The following LSAMP variants were observed in gnomAD, a reference collection of about 807,000 sequenced individuals.
LSAMP encodes the protein limbic system associated membrane protein, also known as limbic system-associated membrane protein.
In LSAMP, 7 loss-of-function variants were observed where a neutral mutation model predicts 38.6. The observed-to-expected ratio is 0.18, with a 90% CI of 0.10 to 0.34. The LOEUF is 0.34. LSAMP is among the 10% of genes least tolerant of loss of function. The pLI is 1.00. For synonymous variants in LSAMP, 154 were observed against 166.8 expected (o/e 0.92, Z 0.59); for missense variants, 313 against 420.0 (o/e 0.75, Z 2.23).
At chr3:115,999,111 G>C (rs926319806) in intron 3 of LSAMP, among the ~76,000 whole-genome samples, 2 of 152,114 alleles carry the variant, frequency 1.3e-5, no homozygotes, top group East Asian at 3.9e-4. Flanking sequence ...CAAATCCCTT[G>C]AAAAGCGATG....
rs150135304 is a variant in LSAMP, at chr3:116,117,110, A to G, written c.156-30554T>C. Among the ~76,000 whole-genome samples, 472 of 152,394 alleles carry G rather than the reference A, an allele frequency of 3.1e-3. 1 individual carries two copies. The highest frequency in any genetic ancestry group is 3.8e-3 in the Non-Finnish European group (259 of 68,046). ...TTATGCAGCAAGGGATAATCAAAAC[A>G]TTCGACTTATATGGACTATCACAGA... is the stretch of plus-strand genomic sequence containing the variant. On this transcript the variant is annotated intron_variant, in intron 1 of 6. Coordinates refer to ENST00000490035, the MANE Select transcript of LSAMP (RefSeq NM_002338.5).
At chr3:116,105,156 A>G (rs952928248) in intron 1 of LSAMP, among the ~76,000 whole-genome samples, 1 of 147,746 alleles carries the variant, frequency 6.8e-6, no homozygotes, top group African/African-American at 2.6e-5. Flanking sequence ...CAGAAGAGAT[A>G]TTTTTCAGTT....
At chr3:115,819,721 A>C (rs1220332458) in intron 6 of LSAMP, among the ~76,000 whole-genome samples, 1 of 152,226 alleles carries the variant, frequency 6.6e-6, no homozygotes, top group Non-Finnish European at 1.5e-5. Context: ...AAAAAGCAAA[A>C]CAGGTTGCCA....
intron 1 of LSAMP, among the ~76,000 whole-genome samples, chr3:116,441,395 G>A (rs2049432831): frequency 6.6e-6 from 1 of 152,270 alleles, no homozygotes; most frequent in East Asian, 1.9e-4. Context: ...GAATAGATAT[G>A]TGATAATATA....
Position 115,842,481 on chromosome 3 carries a change from A to G in LSAMP, c.747T>C (p.Phe249=), listed in dbSNP as rs1935028813. ...ACCTAGTGTCATCCCGGTACCACTC[A>G]AAGTCAGGTGCAGGCACTGCCGAGG... ...CEASAVPAPD[F]EWYRDDTRIN... Residue 249 remains phenylalanine (F), a synonymous_variant, in exon 5 of 7, where the codon TTT becomes TTC. Transcript: ENST00000490035. 1.2e-6 allele frequency: 2 copies of G among 1,613,954 alleles called. No individual in the cohort carries two copies. Among genetic ancestry groups the G allele is most frequent in the Non-Finnish European group, 1.7e-6 (2 of 1,179,882 alleles).
At chr3:115,867,591 A>G (rs979670676) in intron 3 of LSAMP, among the ~76,000 whole-genome samples, 2 of 152,072 alleles carry the variant, frequency 1.3e-5, no homozygotes, top group African/African-American at 2.4e-5. Flanking sequence ...GCAAACAAGA[A>G]AGTAATAGGG....
At chr3:116,440,571 G>A (rs1713007) in intron 1 of LSAMP, among the ~76,000 whole-genome samples, 130,671 of 152,166 alleles carry the variant, frequency 0.86, 56,239 homozygotes, top group Middle Eastern at 0.98. Context: ...TGCTTTTCTT[G>A]CGAGATTTGC....
intron 3 of LSAMP, among the ~76,000 whole-genome samples, chr3:115,949,430 T>C (rs114246721): frequency 0.019 from 2,954 of 152,034 alleles, 95 homozygotes; most frequent in African/African-American, 0.067. Flanking sequence ...ATACAAAAGG[T>C]CATTCAAGGC....
chr3:116,263,356 G>A (rs1015441038), intron 1 of LSAMP, among the ~76,000 whole-genome samples: 1 of 151,968 alleles, frequency 6.6e-6, no homozygotes, highest in Non-Finnish European at 1.5e-5. Flanking sequence ...TGGCCAACAT[G>A]GTGAAACCCC....
At chr3:116,117,306 T>C (rs971572970) in intron 1 of LSAMP, among the ~76,000 whole-genome samples, 5 of 151,876 alleles carry the variant, frequency 3.3e-5, no homozygotes, top group African/African-American at 9.7e-5. Context: ...TGTCTGTCAT[T>C]CCCCCCCTAT....
intron 1 of LSAMP, among the ~76,000 whole-genome samples, chr3:116,200,640 C>A (rs1322150748): frequency 6.6e-6 from 1 of 152,198 alleles, no homozygotes; most frequent in African/African-American, 2.4e-5. Context: ...ACCCTGCCAG[C>A]GAGCTTGGTT....
chr3:115,934,336 C>G (rs1451650587), intron 3 of LSAMP, among the ~76,000 whole-genome samples: 3 of 151,874 alleles, frequency 2.0e-5, no homozygotes, highest in African/African-American at 7.3e-5. Flanking sequence ...CGCCACCATG[C>G]CCGGCTAATT....
At chr3:116,398,035 G>A (rs2048791928) in intron 1 of LSAMP, among the ~76,000 whole-genome samples, 1 of 151,810 alleles carries the variant, frequency 6.6e-6, no homozygotes, top group South Asian at 2.1e-4. Flanking sequence ...CTTTTACATA[G>A]CATTCTGTAT....
At position 115,892,014 on chromosome 3, in the gene LSAMP, G is replaced by A. The variant is rs951958123; in HGVS notation, c.515-39397C>T. Among the ~76,000 whole-genome samples, 12 of 152,066 alleles carry A rather than the reference G, an allele frequency of 7.9e-5. No homozygotes were observed. In the South Asian group the frequency reaches 1.9e-3, roughly 24 times the overall value. ...TGTACTATATCACTTAACATTGCAG[G>A]AACAAAGGTTGTAATATGATATGAA... On this transcript the variant is annotated intron_variant, in intron 3 of 6. Coordinates refer to ENST00000490035, the MANE Select transcript of LSAMP (RefSeq NM_002338.5).
At chr3:116,184,189 G>A (rs537148289) in intron 1 of LSAMP, among the ~76,000 whole-genome samples, 24 of 151,840 alleles carry the variant, frequency 1.6e-4, no homozygotes, top group East Asian at 5.8e-4. Context: ...TATCATCATC[G>A]TTATAGCTAA....
At chr3:115,870,156 G>A (rs1935991100) in intron 3 of LSAMP, among the ~76,000 whole-genome samples, 1 of 152,052 alleles carries the variant, frequency 6.6e-6, no homozygotes, top group Admixed American at 6.6e-5. Context: ...GCTGCTTTCA[G>A]TTACAATGAC....
At chr3:116,115,810 C>T (rs943601743) in intron 1 of LSAMP, among the ~76,000 whole-genome samples, 2 of 151,896 alleles carry the variant, frequency 1.3e-5, no homozygotes. Context: ...ATTTCTGGTC[C>T]TTTGAGTATG....
chr3:116,310,930 T>A (rs78011130), intron 1 of LSAMP, among the ~76,000 whole-genome samples: 3 of 147,742 alleles, frequency 2.0e-5, no homozygotes, highest in African/African-American at 2.6e-5. Context: ...TTTTTTTTTT[T>A]AAATCATGGA....
At chr3:116,193,538 A>G (rs893973415) in intron 1 of LSAMP, among the ~76,000 whole-genome samples, 2 of 152,220 alleles carry the variant, frequency 1.3e-5, no homozygotes, top group African/African-American at 2.4e-5. Context: ...AAAAACAGCA[A>G]CAACAACAAA....
Sources: allele counts gnomAD v4.1 joint callset (sites outside exome capture counted in the v4.1 genomes callset), GRCh38; gene constraint gnomAD v4.1.1; transcripts MANE v1.5; gene names NCBI Gene and HGNC (gene_info 2026-07-23, HGNC 2026-07-21).